Variants in HYKK observed in about 807,000 individuals in gnomAD.
HYKK encodes 5-hydroxy-L-lysine kinase.
Under a neutral mutation model 29.7 loss-of-function variants are expected in HYKK, and 19 were observed. The observed-to-expected ratio is 0.64, with a 90% CI of 0.45 to 0.94. HYKK has a LOEUF of 0.94. HYKK is among the 40% of genes least tolerant of loss of function. The pLI is 0.00. For missense variants in HYKK, 390 were observed against 443.4 expected, an observed-to-expected ratio of 0.88 and a Z score of 1.08; for synonymous variants, 152 against 158.1, an observed-to-expected ratio of 0.96 and a Z score of 0.29.
intron 4 of HYKK, chr15:78,527,855 C>G (rs1260938253): frequency 1.7e-6 from 1 of 586,032 alleles, no homozygotes; most frequent in African/African-American, 2.0e-5. Flanking sequence ...AACTTTATAT[C>G]AATGGTATCA....
In HYKK at chr15:78,527,461, T is replaced by TA; in HGVS notation, c.560dup (p.Tyr187Ter). The TA allele has an allele frequency of 6.2e-7, 1 of 1,614,112 alleles. No individual in the cohort carries two copies. The highest frequency in any genetic ancestry group is 8.5e-7 in the Non-Finnish European group (1 of 1,179,974). The change falls in exon 4 of 5, where the codon TAC becomes TAAC. Residue 187 changes from tyrosine (Y) to a stop codon, truncating the protein, a stop_gained and frameshift_variant. Transcript: ENST00000388988. LOFTEE classifies it high-confidence loss of function. ...GAAAAATGTTCCTCTTCTGGAGAAATACCTGTATGCCCTGGGCCAGAATCG... is the reference window on the plus strand; with the variant it reads ...GAAAAATGTTCCTCTTCTGGAGAAATAACCTGTATGCCCTGGGCCAGAATCG... The part of the protein sequence containing the change: ...NLKNVPLLEK[Y>*]LYALGQNRNR...
intron 4 of HYKK, chr15:78,528,839 A>G (rs1177682289): frequency 3.1e-6 from 3 of 983,502 alleles, no homozygotes; most frequent in South Asian, 4.7e-5. Flanking sequence ...GGGCATTTCT[A>G]TCAAGGCCTA....
At chr15:78,528,441 C>T (rs1404101077) in intron 4 of HYKK, 1 of 985,292 alleles carries the variant, frequency 1.0e-6, no homozygotes, top group Non-Finnish European at 1.2e-6. Context: ...TGTACACAGA[C>T]AGGTGTTTCT....
intron 3 of HYKK, among the ~76,000 whole-genome samples, chr15:78,522,458 C>T (rs2052206838): frequency 6.8e-6 from 1 of 147,950 alleles, no homozygotes; most frequent in Non-Finnish European, 1.5e-5. Flanking sequence ...ATTGTGGAGG[C>T]TGAGGCAGGA....
intron 1 of HYKK, among the ~76,000 whole-genome samples, chr15:78,509,231 A>G (rs1365754635): frequency 6.6e-6 from 1 of 152,348 alleles, no homozygotes; most frequent in South Asian, 2.1e-4. Flanking sequence ...CTTTAGTGGC[A>G]TGGAATACTA....
chr15:78,518,474 C>CTCA (rs947118488), intron 3 of HYKK: 1 of 398,512 alleles, frequency 2.5e-6, no homozygotes, highest in Non-Finnish European at 5.1e-6. Context: ...CACACCTGGG[C>CTCA]CCCTTGTTTG....
chr15:78,533,525 T>C lies in HYKK; in HGVS notation c.977T>C (p.Leu326Pro), dbSNP rs765612138. ...GTCATGGCTGCATACTCTTGCCAGC[T>C]ATACCCAGAGAACAAAGACTATCTC... ...SLVMAAYSCQ[L>P]YPENKDYLMV... Residue 326 changes from leucine (L) to proline (P), a missense_variant, in exon 5 of 5, where the codon CTA becomes CCA. Leu to Pro is a moderately conservative substitution (Grantham distance 98). Coordinates refer to ENST00000388988, the MANE Select transcript of HYKK (RefSeq NM_001013619.4). 3 of 1,613,604 alleles carry C rather than the reference T, an allele frequency of 1.9e-6. No individual in the cohort carries two copies. Among genetic ancestry groups the C allele is most frequent in the Non-Finnish European group, 2.5e-6 (3 of 1,179,700 alleles).
chr15:78,515,099 A>G lies in HYKK; in HGVS notation c.469A>G (p.Thr157Ala), dbSNP rs1259526833. Residue 157 changes from threonine to alanine, a missense_variant, in exon 3 of 5, where the codon ACA (threonine) becomes GCA (alanine). By Grantham distance (58) the Thr-to-Ala change is moderately conservative. Transcript: ENST00000388988. ...IGKLAAKLDK[T>A]LQRFHHPKLS... Reference sequence around the variant, plus strand: ...AAAACTAGCTGCCAAATTGGATAAGACACTGCAGGTAAGATTTGGGGCTTT... The same window carrying G: ...AAAACTAGCTGCCAAATTGGATAAGGCACTGCAGGTAAGATTTGGGGCTTT... 1.3e-6 allele frequency: 2 copies of G among 1,580,440 alleles called. No individual in the cohort carries two copies. Among genetic ancestry groups the G allele is most frequent in the Admixed American group, 1.8e-5 (1 of 54,126 alleles).
At position 78,513,358 on chromosome 15, in the gene HYKK, C is replaced by A. The variant is rs373913174; in HGVS notation, c.270C>A (p.Ala90=). 1.2e-6 allele frequency: 2 copies of A among 1,614,144 alleles called. No homozygotes were observed. The highest frequency in any genetic ancestry group is 1.7e-6 in the Non-Finnish European group (2 of 1,180,022). ...VQNHIIMFLK[A]AGFPTASVCH... is the part of the protein sequence containing the mutation. ...ATCACATCATCATGTTTCTGAAAGC[C>A]GCTGGATTTCCAACAGCCTCTGTGT... Residue 90 remains alanine, a synonymous_variant, in exon 2 of 5, where the codon GCC becomes GCA. Coordinates refer to ENST00000388988, the MANE Select transcript of HYKK (RefSeq NM_001013619.4).
chr15:78,510,891 C>T (rs1322355019), intron 1 of HYKK, among the ~76,000 whole-genome samples: 4 of 151,718 alleles, frequency 2.6e-5, no homozygotes, highest in African/African-American at 9.7e-5. Flanking sequence ...AAAGTTCTCT[C>T]ATGCCCCTTC....
At position 78,530,631 on chromosome 15, in the gene HYKK, T is replaced by A. The variant is rs2052302524; in HGVS notation, c.662-2579T>A. Among the ~76,000 whole-genome samples, 3 of 151,058 alleles carry A rather than the reference T, an allele frequency of 2.0e-5. 1 individual carries two copies. The South Asian group carries it at 6.3e-4, about 32-fold the overall frequency. ...GCTACTAAGGATATTCCTTAGGACT[T>A]TCAATTTTATTTAACCTTATTGAGC... On this transcript the variant is annotated intron_variant, in intron 4 of 4. Coordinates refer to ENST00000388988, the MANE Select transcript of HYKK (RefSeq NM_001013619.4).
chr15:78,528,545 G>C, intron 4 of HYKK: 1 of 980,054 alleles, frequency 1.0e-6, no homozygotes, highest in Non-Finnish European at 1.2e-6. Flanking sequence ...GCTCCCGCCT[G>C]TAATCCCAGC....
In HYKK at chr15:78,527,433, T is replaced by G; in HGVS notation, c.531T>G (p.Asn177Lys). The change falls in exon 4 of 5, where the codon AAT becomes AAG. Residue 177 changes from asparagine (N) to lysine (K), a missense_variant. Transcript: ENST00000388988. ...TTCATCGGGAGAACTTCATCTGGAA[T>G]CTGAAAAATGTTCCTCTTCTGGAGA... ...SSLHRENFIW[N>K]LKNVPLLEKY... The G allele has an allele frequency of 6.2e-7, 1 of 1,614,102 alleles. No homozygotes were observed. The highest frequency in any genetic ancestry group is 8.5e-7 in the Non-Finnish European group (1 of 1,179,950).
chr15:78,527,650 C>A, intron 4 of HYKK, 87 bp downstream of exon 4: 1 of 1,512,324 alleles, frequency 6.6e-7, no homozygotes. Context: ...TACAATTTAG[C>A]TTTATCAAAT....
intron 3 of HYKK, among the ~76,000 whole-genome samples, chr15:78,525,592 G>C (rs2052244676): frequency 6.6e-6 from 1 of 151,886 alleles, no homozygotes; most frequent in South Asian, 2.1e-4. Flanking sequence ...CCGCCCTCCA[G>C]GTTCAAGCGA....
At chr15:78,521,262 G>T (rs914867765) in intron 3 of HYKK, among the ~76,000 whole-genome samples, 5 of 151,926 alleles carry the variant, frequency 3.3e-5, no homozygotes, top group Non-Finnish European at 7.4e-5. Context: ...GAATTTGGTT[G>T]CCATTTGGTC....
rs766004199 is a variant in HYKK at position 78,514,908 on chromosome 15, C to CTCTCTCTCTCTATATA, written c.338-59_338-58insCTCTCTCTCTATATAT. The CTCTCTCTCTCTATATA allele has an allele frequency of 1.1e-3, 436 of 385,372 alleles. 6 individuals are homozygous for CTCTCTCTCTCTATATA. The East Asian group carries it at 0.027, about 24-fold the overall frequency. The allele number at this position is 385,372 out of a possible 1,614,324, so 23.9% of individuals were successfully genotyped here. A position where few individuals can be genotyped will look rare whatever the true frequency, so the allele number is the denominator to read the frequency against. The stretch of plus-strand genomic sequence containing the variant: ...TAAATACCTCTCTCTCTCTCTCTCT[C>CTCTCTCTCTCTATATA]TATATATATATATATATATAAATAA... On this transcript the variant is annotated intron_variant, in intron 2 of 4. Coordinates refer to ENST00000388988, the MANE Select transcript of HYKK (RefSeq NM_001013619.4).
intron 3 of HYKK, among the ~76,000 whole-genome samples, chr15:78,526,716 T>G (rs753547354): frequency 1.3e-5 from 2 of 152,224 alleles, no homozygotes; most frequent in Non-Finnish European, 2.9e-5. Flanking sequence ...CAATTTCTTT[T>G]GTAAGCTGTG....
intron 3 of HYKK, among the ~76,000 whole-genome samples, chr15:78,519,317 A>G (rs543754592): frequency 6.6e-6 from 1 of 152,380 alleles, no homozygotes; most frequent in African/African-American, 2.4e-5. Flanking sequence ...ATTTCCGTCA[A>G]AATAGTTTTC....
Sources: gnomAD v4.1 joint callset for allele counts (sites outside exome capture counted in the v4.1 genomes callset) on GRCh38, gnomAD v4.1.1 for gene constraint, MANE v1.5 for transcripts, NCBI Gene and HGNC (gene_info 2026-07-23, HGNC 2026-07-21) for gene names.